Variants in MS4A13 observed in about 807,000 individuals in gnomAD.
MS4A13 encodes membrane-spanning 4-domains subfamily A member 13.
A neutral mutation model predicts 18.4 loss-of-function variants in MS4A13; 21 were observed. The ratio of observed to expected loss-of-function variants is 1.14; its 90% CI spans 0.81 to 1.64. The LOEUF is 1.64. Ranked by LOEUF, MS4A13 falls within the 40% of genes most tolerant of loss-of-function variation. MS4A13 has a pLI of 0.00. For synonymous variants in MS4A13, 62 were observed against 57.2 expected (o/e 1.08, Z -0.38); for missense variants, 173 against 176.8 (o/e 0.98, Z 0.12).
In MS4A13 at chr11:60,542,640, G is replaced by A. The variant is rs1348731219; in HGVS notation, c.*65G>A. The A allele has an allele frequency of 2.7e-5, 26 of 960,194 alleles. No homozygotes were observed. Among genetic ancestry groups the A allele is most frequent in the South Asian group, 3.8e-5 (2 of 53,044 alleles). 59.5% of individuals were successfully genotyped at this position (960,194 alleles called of 1,614,324 possible). On this transcript the variant is annotated 3_prime_UTR_variant, in exon 7 of 7. Coordinates refer to ENST00000378186, the MANE Select transcript of MS4A13 (RefSeq NM_001012417.3). Reference sequence around the variant, plus strand: ...TGGTGTGGGTCCTAATGATATCTCTGTATAACAAAGCAGTTACGAAGCCTA... The same window carrying A: ...TGGTGTGGGTCCTAATGATATCTCTATATAACAAAGCAGTTACGAAGCCTA...
rs116859554 is a variant in MS4A13 at position 60,530,940 on chromosome 11, G to A, written c.402+1480G>A. Among the ~76,000 whole-genome samples, 40 of 152,124 alleles carry A rather than the reference G, an allele frequency of 2.6e-4. No homozygotes were observed. In the East Asian group the frequency reaches 6.6e-3, roughly 25 times the overall value. On this transcript the variant is annotated intron_variant, in intron 6 of 6. Coordinates refer to ENST00000378186, the MANE Select transcript of MS4A13 (RefSeq NM_001012417.3). Reference sequence around the variant, plus strand: ...GGTCCTTGCTTCCCCTTTGCCTTACGCCATCATTGTAAGTTTCCTGAGGTC... The same window carrying A: ...GGTCCTTGCTTCCCCTTTGCCTTACACCATCATTGTAAGTTTCCTGAGGTC...
In MS4A13 at chr11:60,524,316, A is replaced by C. The variant is rs116122671; in HGVS notation, c.186+363A>C. On this transcript the variant is annotated intron_variant, in intron 4 of 6. Transcript: ENST00000378186. ...CATTTTCTGAACTATCCAGTTTGGG[A>C]ACAAGATTGTGTCCTGTAACAAAGT... 1.6e-3 allele frequency among the ~76,000 whole-genome samples: 250 copies of C among 152,308 alleles called. 3 individuals are homozygous for C. Among genetic ancestry groups the C allele is most frequent in the African/African-American group, 5.8e-3 (241 of 41,572 alleles).
chr11:60,518,182 C>A lies in MS4A13; in HGVS notation c.99C>A (p.Tyr33Ter). The A allele has an allele frequency of 6.2e-7, 1 of 1,611,226 alleles. No individual in the cohort carries two copies. Among genetic ancestry groups the A allele is most frequent in the South Asian group, 1.1e-5 (1 of 90,726 alleles). Residue 33 changes from tyrosine (Y) to a stop codon, truncating the protein, a stop_gained, in exon 3 of 7, where the codon TAC becomes TAA. Coordinates refer to ENST00000378186, the MANE Select transcript of MS4A13 (RefSeq NM_001012417.3). LOFTEE classifies it high-confidence loss of function. ...GAFGTYEPVT[Y>*]KTGCTLWGIF... ...TTGGAACGTATGAACCTGTAACTTA[C>A]AAAACAGGATGTACTTTATGGGGAA...
At chr11:60,542,411 C>T in intron 6 of MS4A13, 108 bp from the exon 7 acceptor site, 1 of 588,398 alleles carries the variant, frequency 1.7e-6, no homozygotes, top group Non-Finnish European at 2.8e-6. Context: ...TAAGATTTCA[C>T]TCTATAAATA....
intron 4 of MS4A13, among the ~76,000 whole-genome samples, chr11:60,524,955 C>T (rs932485915): frequency 7.9e-5 from 12 of 152,176 alleles, no homozygotes; most frequent in East Asian, 5.8e-4. Flanking sequence ...CCACTGCGCC[C>T]GGCCCCAAAA....
At position 60,529,403 on chromosome 11, in the gene MS4A13, C is replaced by T; in HGVS notation, c.345C>T (p.Phe115=). Reference sequence around the variant, plus strand: ...AAGTATCACGTATTTTACTGTTCTTCTACGGTTTGGAATTTTCTATTGCAC... The same window carrying T: ...AAGTATCACGTATTTTACTGTTCTTTTACGGTTTGGAATTTTCTATTGCAC... ...GREVSRILLF[F]YGLEFSIALT... The change falls in exon 6 of 7, where the codon TTC becomes TTT. Residue 115 remains phenylalanine, a synonymous_variant. Coordinates refer to ENST00000378186, the MANE Select transcript of MS4A13 (RefSeq NM_001012417.3). The T allele has an allele frequency of 6.2e-7, 1 of 1,609,432 alleles. No homozygotes were observed. Among genetic ancestry groups the T allele is most frequent in the Non-Finnish European group, 8.5e-7 (1 of 1,178,044 alleles).
intron 4 of MS4A13, 40 bp from the exon 5 acceptor site, chr11:60,525,167 A>G (rs747991574): frequency 6.8e-7 from 1 of 1,464,344 alleles, no homozygotes; most frequent in African/African-American, 1.4e-5. Flanking sequence ...CAAAATGTTT[A>G]TTCTGAATAT....
chr11:60,518,245 T>C lies in MS4A13; in HGVS notation c.129+33T>C, dbSNP rs374551361. On this transcript the variant is annotated intron_variant, in intron 3 of 6. Transcript: ENST00000378186. ...GAATACATATATATTGCTTTAATCA[T>C]ACAATAAATAATATTCATGCCAATA... The C allele has an allele frequency of 7.9e-6, 12 of 1,528,360 alleles. No individual in the cohort carries two copies. The African/African-American group carries it at 1.7e-4, about 21-fold the overall frequency. 94.7% of individuals were successfully genotyped at this position (1,528,360 alleles called of 1,614,324 possible).
intron 2 of MS4A13, 59 bp downstream of exon 2, chr11:60,516,143 G>A (rs1165993650): frequency 6.6e-6 from 1 of 151,818 alleles, no homozygotes; most frequent in Non-Finnish European, 1.5e-5. Context: ...TTTTTTTAAC[G>A]GATATATTGG....
Position 60,542,626 on chromosome 11 carries a change from C to A in MS4A13, c.*51C>A. The A allele has an allele frequency of 1.7e-6, 2 of 1,146,132 alleles. No homozygotes were observed. Among genetic ancestry groups the A allele is most frequent in the Middle Eastern group, 2.0e-4 (1 of 5,078 alleles). 71.0% of individuals were successfully genotyped at this position (1,146,132 alleles called of 1,614,324 possible). On this transcript the variant is annotated 3_prime_UTR_variant, in exon 7 of 7. Coordinates refer to ENST00000378186, the MANE Select transcript of MS4A13 (RefSeq NM_001012417.3). ...CTGTTGCTGATGCCTGGTGTGGGTC[C>A]TAATGATATCTCTGTATAACAAAGC...
intron 5 of MS4A13, among the ~76,000 whole-genome samples, chr11:60,527,763 G>C (rs1262026404): frequency 6.6e-6 from 1 of 152,030 alleles, no homozygotes; most frequent in Non-Finnish European, 1.5e-5. Context: ...TTGAACCCAG[G>C]AGGCAGAGGT....
At chr11:60,539,372 G>A (rs572330944) in intron 6 of MS4A13, among the ~76,000 whole-genome samples, 1 of 151,848 alleles carries the variant, frequency 6.6e-6, no homozygotes, top group East Asian at 1.9e-4. Flanking sequence ...CAAGAACAGA[G>A]GTGAGCTGAC....
At chr11:60,530,665 G>C (rs966630071) in intron 6 of MS4A13, among the ~76,000 whole-genome samples, 2 of 152,198 alleles carry the variant, frequency 1.3e-5, no homozygotes, top group African/African-American at 4.8e-5. Context: ...TGGCATGTTA[G>C]CTTGGGACTG....
intron 6 of MS4A13, among the ~76,000 whole-genome samples, chr11:60,538,114 A>G (rs1445639662): frequency 6.7e-6 from 1 of 150,108 alleles, no homozygotes; most frequent in Non-Finnish European, 1.5e-5. Flanking sequence ...CCAGCATGGC[A>G]CATGTATACA....
At chr11:60,527,067 A>G (rs1475879588) in intron 5 of MS4A13, among the ~76,000 whole-genome samples, 1 of 152,176 alleles carries the variant, frequency 6.6e-6, no homozygotes, top group Non-Finnish European at 1.5e-5. Flanking sequence ...ATCAAACTCA[A>G]CAGATATAAA....
chr11:60,535,155 G>C (rs564472210), intron 6 of MS4A13, among the ~76,000 whole-genome samples: 3 of 44,620 alleles, frequency 6.7e-5, no homozygotes, highest in African/African-American at 1.9e-4. Flanking sequence ...CTAGCAGAAG[G>C]CAAGAAATAA....
chr11:60,529,140 C>G (rs1247725781), intron 5 of MS4A13, among the ~76,000 whole-genome samples: 3 of 151,924 alleles, frequency 2.0e-5, no homozygotes, highest in Non-Finnish European at 4.4e-5. Context: ...AATGCAGAAG[C>G]CACAGATGCT....
chr11:60,538,585 TA>T (rs71470094), intron 6 of MS4A13, among the ~76,000 whole-genome samples: 74,399 of 149,882 alleles, frequency 0.5, 18,773 homozygotes, highest in Admixed American at 0.63. Flanking sequence ...GAAATAAAAA[TA>T]AAAAAAAAAA....
intron 3 of MS4A13, 61 bp from the exon 4 acceptor site, chr11:60,523,828 TTATTAAAA>T (rs2086693873): frequency 2.2e-6 from 2 of 893,862 alleles, no homozygotes; most frequent in East Asian, 5.0e-5. Context: ...TACAAGAGAG[TTATTAAAA>T]GTACATTCTA....
Sources: allele counts gnomAD v4.1 joint callset (sites outside exome capture counted in the v4.1 genomes callset), GRCh38; gene constraint gnomAD v4.1.1; transcripts MANE v1.5; gene names NCBI Gene and HGNC (gene_info 2026-07-23, HGNC 2026-07-21).